Variants in STAG1 observed in about 807,000 individuals in gnomAD.
STAG1 encodes the protein STAG1 cohesin complex component.
In STAG1, 26 loss-of-function variants were observed where a neutral mutation model predicts 170.9. The ratio of observed to expected loss-of-function variants is 0.15; its 90% CI spans 0.11 to 0.21. The LOEUF (loss-of-function observed/expected upper bound fraction) is 0.21, where lower values mean the gene tolerates loss of function less well. Among genes scored for constraint, STAG1 ranks in the 10% least tolerant of loss-of-function variants. The pLI is 1.00. For missense variants in STAG1, 964 were observed against 1,509.5 expected, an observed-to-expected ratio of 0.64 and a Z score of 5.99; for synonymous variants, 514 against 497.7, an observed-to-expected ratio of 1.03 and a Z score of -0.44.
intron 20 of STAG1, 107 bp downstream of exon 20, chr3:136,420,986 G>A: frequency 1.7e-6 from 1 of 603,092 alleles, no homozygotes; most frequent in South Asian, 2.9e-5. Flanking sequence ...CGCCAGGCTG[G>A]TCTCCAATTC....
At chr3:136,365,394 A>C (rs1003305019) in intron 25 of STAG1, among the ~76,000 whole-genome samples, 1 of 152,134 alleles carries the variant, frequency 6.6e-6, no homozygotes, top group Non-Finnish European at 1.5e-5. Context: ...GAGATTATGG[A>C]AACTTTGTGC....
intron 22 of STAG1, among the ~76,000 whole-genome samples, chr3:136,396,693 A>G (rs571311392): frequency 1.3e-5 from 2 of 148,198 alleles, no homozygotes; most frequent in East Asian, 4.0e-4. Flanking sequence ...ACACCCAGCT[A>G]ATTTTTGTAT....
intron 3 of STAG1, among the ~76,000 whole-genome samples, chr3:136,615,692 G>A (rs1195427507): frequency 6.7e-6 from 1 of 150,068 alleles, no homozygotes; most frequent in South Asian, 2.1e-4. Context: ...GCAGGGGAAT[G>A]GTGTGAACCT....
At chr3:136,531,252 A>G (rs1403103873) in intron 6 of STAG1, among the ~76,000 whole-genome samples, 2 of 149,814 alleles carry the variant, frequency 1.3e-5, no homozygotes, top group African/African-American at 4.9e-5. Flanking sequence ...TTAAAAAGTC[A>G]GGAAACAACA....
At chr3:136,744,198 A>C (rs946356061) in intron 1 of STAG1, among the ~76,000 whole-genome samples, 5 of 152,190 alleles carry the variant, frequency 3.3e-5, no homozygotes, top group Non-Finnish European at 5.9e-5. Flanking sequence ...ATGGTGGTGC[A>C]TCCCTGTAAT....
At chr3:136,490,016 G>A (rs1237260392) in intron 9 of STAG1, among the ~76,000 whole-genome samples, 1 of 152,068 alleles carries the variant, frequency 6.6e-6, no homozygotes, top group Non-Finnish European at 1.5e-5. Context: ...GCTTACTAGA[G>A]TTATTTAATT....
intron 5 of STAG1, among the ~76,000 whole-genome samples, chr3:136,562,511 G>C (rs1936886876): frequency 6.7e-6 from 1 of 150,020 alleles, no homozygotes; most frequent in Admixed American, 6.7e-5. Context: ...TCTGCCCAAA[G>C]AAATTCTAAG....
chr3:136,470,035 G>A (rs1299710788), intron 12 of STAG1, among the ~76,000 whole-genome samples: 1 of 152,164 alleles, frequency 6.6e-6, no homozygotes, highest in African/African-American at 2.4e-5. Context: ...AAAAACCCTA[G>A]AAGAAAACTT....
intron 5 of STAG1, among the ~76,000 whole-genome samples, chr3:136,547,036 C>T (rs953435469): frequency 6.6e-6 from 1 of 152,116 alleles, no homozygotes; most frequent in Non-Finnish European, 1.5e-5. Context: ...TTTCATTTTA[C>T]AAAACTTTTA....
chr3:136,682,283 G>C (rs1942361635), intron 1 of STAG1, among the ~76,000 whole-genome samples: 1 of 151,844 alleles, frequency 6.6e-6, no homozygotes, highest in African/African-American at 2.4e-5. Context: ...AAATTAGCCA[G>C]GCGTGGTGGT....
At chr3:136,742,705 A>G (rs1306226188) in intron 1 of STAG1, among the ~76,000 whole-genome samples, 1 of 149,372 alleles carries the variant, frequency 6.7e-6, no homozygotes, top group East Asian at 1.9e-4. Context: ...ACAGAGCAAG[A>G]CTCCATCTCA....
intron 22 of STAG1, among the ~76,000 whole-genome samples, chr3:136,384,725 G>A (rs143893330): frequency 2.0e-5 from 3 of 150,520 alleles, no homozygotes; most frequent in East Asian, 2.0e-4. Context: ...CTGAGATTAC[G>A]CCACTGCACT....
chr3:136,677,764 G>A (rs1026658739), intron 1 of STAG1, among the ~76,000 whole-genome samples: 2 of 151,728 alleles, frequency 1.3e-5, no homozygotes, highest in South Asian at 4.1e-4. Context: ...ATAAATTTCT[G>A]TTGTTTATAA....
chr3:136,339,805 T>C (rs1405145218), intron 32 of STAG1, among the ~76,000 whole-genome samples: 1 of 152,196 alleles, frequency 6.6e-6, no homozygotes, highest in African/African-American at 2.4e-5. Flanking sequence ...AATAAGTTCT[T>C]AGTATCACCT....
Position 136,414,572 on chromosome 3 carries a change from A to G in STAG1, c.2196+3313T>C, listed in dbSNP as rs7621022. 6.4e-3 allele frequency among the ~76,000 whole-genome samples: 970 copies of G among 152,132 alleles called. 10 individuals carry two copies. Among genetic ancestry groups the G allele is most frequent in the African/African-American group, 0.023 (941 of 41,502 alleles). ...CCCTCAAAGTCATCCATGAACACTG[A>G]TATCAACTTCTTCCAAACTCCTGTT... On this transcript the variant is annotated intron_variant, in intron 21 of 33. Transcript: ENST00000383202.
intron 1 of STAG1, among the ~76,000 whole-genome samples, chr3:136,739,460 G>A (rs1252996991): frequency 1.4e-5 from 2 of 145,574 alleles, no homozygotes. Context: ...GCAGTGAGCC[G>A]TGATCACGTC....
At chr3:136,595,716 AAATAAATAAAT>A (rs1938395000) in intron 4 of STAG1, among the ~76,000 whole-genome samples, 1 of 149,782 alleles carries the variant, frequency 6.7e-6, no homozygotes, top group Non-Finnish European at 1.5e-5. Flanking sequence ...ATAAATAAAT[AAATAAATAAAT>A]AAGAACTTTC....
At chr3:136,507,376 T>C (rs1431074961) in intron 7 of STAG1, among the ~76,000 whole-genome samples, 1 of 152,198 alleles carries the variant, frequency 6.6e-6, no homozygotes, top group Non-Finnish European at 1.5e-5. Flanking sequence ...TTTTTGTTTT[T>C]CTTTTGAGAC....
At chr3:136,711,914 A>G (rs902845824) in intron 1 of STAG1, among the ~76,000 whole-genome samples, 1 of 152,274 alleles carries the variant, frequency 6.6e-6, no homozygotes, top group Non-Finnish European at 1.5e-5. Flanking sequence ...GATGATGTGA[A>G]TAACTCCATT....
Sources: gnomAD v4.1 joint callset for allele counts (sites outside exome capture counted in the v4.1 genomes callset) on GRCh38, gnomAD v4.1.1 for gene constraint, MANE v1.5 for transcripts, NCBI Gene and HGNC (gene_info 2026-07-23, HGNC 2026-07-21) for gene names.